The following MYLK4 variants were observed in gnomAD, a reference collection of about 807,000 sequenced individuals.
MYLK4 encodes the protein myosin light chain kinase family member 4, also known as caMLCK like.
Under a neutral mutation model 48.1 loss-of-function variants are expected in MYLK4, and 46 were observed. The observed-to-expected ratio is 0.96, with a 90% CI of 0.75 to 1.22. The LOEUF (loss-of-function observed/expected upper bound fraction) is 1.22. Among genes scored for constraint, MYLK4 ranks in the 50% most tolerant of loss-of-function variants. The probability of loss-of-function intolerance (pLI) is 0.00; values close to 1 mark genes in which losing one functional copy is unlikely to be tolerated. For missense variants in MYLK4, 451 were observed against 486.1 expected, an observed-to-expected ratio of 0.93 and a Z score of 0.68; for synonymous variants, 170 against 180.8, an observed-to-expected ratio of 0.94 and a Z score of 0.48.
chr6:2,742,456 T>C (rs1257553669), intron 2 of MYLK4, among the ~76,000 whole-genome samples: 4 of 151,550 alleles, frequency 2.6e-5, no homozygotes, highest in Non-Finnish European at 5.9e-5. Context: ...TAGCAAAGAC[T>C]TGGAACCAAC....
chr6:2,709,199 A>G (rs2113241856), intron 2 of MYLK4, among the ~76,000 whole-genome samples: 1 of 152,338 alleles, frequency 6.6e-6, no homozygotes, highest in East Asian at 1.9e-4. Flanking sequence ...CAATCATTCC[A>G]AAATTCGGTC....
intron 2 of MYLK4, among the ~76,000 whole-genome samples, chr6:2,724,028 C>T (rs2113298044): frequency 6.6e-6 from 1 of 152,220 alleles, no homozygotes; most frequent in Admixed American, 6.5e-5. Flanking sequence ...AGGTGCGTGC[C>T]ACTACCACTG....
the MYLK4 span, chr6:2,768,997 G>T: frequency 9.5e-7 from 1 of 1,048,208 alleles, no homozygotes; most frequent in Non-Finnish European, 1.3e-6. Context: ...AGAAGCGTAG[G>T]CTTGTGAACC....
chr6:2,762,391 T>C, the MYLK4 span, among the ~76,000 whole-genome samples: 7 of 152,228 alleles, frequency 4.6e-5, no homozygotes, highest in African/African-American at 1.7e-4. Flanking sequence ...ACTTGTAGAT[T>C]TTCCACAGCA....
At chr6:2,705,508 G>C (rs1392335575) in intron 2 of MYLK4, among the ~76,000 whole-genome samples, 4 of 152,204 alleles carry the variant, frequency 2.6e-5, no homozygotes, top group African/African-American at 9.6e-5. Flanking sequence ...CAATGAGCCT[G>C]TGTTCCCTGT....
At chr6:2,708,001 T>C (rs562771955) in intron 2 of MYLK4, among the ~76,000 whole-genome samples, 25 of 152,328 alleles carry the variant, frequency 1.6e-4, no homozygotes, top group African/African-American at 6.0e-4. Flanking sequence ...ACAGAGTGTA[T>C]ATAATCTTTT....
chr6:2,751,277 CCT>C (rs1764281716), upstream of MYLK4, among the ~76,000 whole-genome samples: 1 of 152,182 alleles, frequency 6.6e-6, no homozygotes, highest in South Asian at 2.1e-4. Flanking sequence ...CCCACAGCCA[CCT>C]CTGTTTGCCC....
At chr6:2,713,567 G>A (rs780548823) in intron 2 of MYLK4, among the ~76,000 whole-genome samples, 2 of 152,072 alleles carry the variant, frequency 1.3e-5, no homozygotes, top group South Asian at 2.1e-4. Context: ...AATAGGAGTC[G>A]CATCCATGCA....
intron 2 of MYLK4, among the ~76,000 whole-genome samples, chr6:2,710,563 C>A (rs572805820): frequency 6.6e-6 from 1 of 152,152 alleles, no homozygotes; most frequent in Non-Finnish European, 1.5e-5. Flanking sequence ...TGCTTCCTTA[C>A]CCCTCCCTAA....
chr6:2,769,617 C>G, the MYLK4 span, among the ~76,000 whole-genome samples: 1 of 152,220 alleles, frequency 6.6e-6, no homozygotes, highest in Non-Finnish European at 1.5e-5. Context: ...GAGGCGTTAG[C>G]ATTCTAGGTT....
At chr6:2,768,318 A>G in the MYLK4 span, among the ~76,000 whole-genome samples, 32 of 152,106 alleles carry the variant, frequency 2.1e-4, no homozygotes, top group Non-Finnish European at 7.4e-5. Context: ...TGTCTCGGCT[A>G]GAGGAGGGAG....
chr6:2,768,840 C>G, the MYLK4 span: 4 of 1,613,354 alleles, frequency 2.5e-6, no homozygotes, highest in South Asian at 3.3e-5. Flanking sequence ...GGAAAACCAT[C>G]CTTTTTATTG....
chr6:2,668,623 G>T (rs1033136267), intron 12 of MYLK4, among the ~76,000 whole-genome samples: 2 of 152,088 alleles, frequency 1.3e-5, no homozygotes, highest in African/African-American at 2.4e-5. Flanking sequence ...CTCAAATTTG[G>T]TTTCCATCAT....
At chr6:2,703,231 A>G (rs1426640260) in intron 2 of MYLK4, among the ~76,000 whole-genome samples, 1 of 152,204 alleles carries the variant, frequency 6.6e-6, no homozygotes, top group Non-Finnish European at 1.5e-5. Context: ...TAGTGTACAG[A>G]CCAGGGAAAA....
chr6:2,702,645 T>G (rs1762330257), intron 2 of MYLK4, among the ~76,000 whole-genome samples: 1 of 152,194 alleles, frequency 6.6e-6, no homozygotes. Flanking sequence ...GAATAGATTT[T>G]TAACATCCTC....
chr6:2,770,068 G>A, the MYLK4 span: 1 of 1,609,404 alleles, frequency 6.2e-7, no homozygotes, highest in Admixed American at 1.7e-5. Flanking sequence ...ATAGGATTCT[G>A]CAGGTGGCTG....
intron 2 of MYLK4, among the ~76,000 whole-genome samples, chr6:2,724,067 G>A (rs1039405275): frequency 6.6e-6 from 1 of 151,860 alleles, no homozygotes; most frequent in African/African-American, 2.4e-5. Flanking sequence ...TAGTAGAGAC[G>A]GGGTTTCACC....
Position 2,685,203 on chromosome 6 carries a change from TG to T in MYLK4, c.545+92del. Reference sequence around the variant, plus strand: ...GAGTCTGCGGGGGCGAGCTTGGTTCTGGTCCCGCTACAGCAGGACGGAGCTA... The same window carrying T: ...GAGTCTGCGGGGGCGAGCTTGGTTCTGTCCCGCTACAGCAGGACGGAGCTA... On this transcript the variant is annotated intron_variant, in intron 6 of 12. Coordinates refer to ENST00000274643, the MANE Select transcript of MYLK4 (RefSeq NM_001012418.5). The surrounding 1 kb of genome is among the most constrained non-coding windows in gnomAD (Gnocchi z 4.5). 1.1e-6 allele frequency: 1 copy of T among 890,840 alleles called. No homozygotes were observed. The highest frequency in any genetic ancestry group is 1.9e-6 in the Non-Finnish European group (1 of 535,416). The allele number at this position is 890,840 out of a possible 1,614,324, so 55.2% of individuals were successfully genotyped here. A position where few individuals can be genotyped will look rare whatever the true frequency, so the allele number is the denominator to read the frequency against.
At chr6:2,700,228 T>G (rs1285939489) in intron 2 of MYLK4, among the ~76,000 whole-genome samples, 1 of 152,178 alleles carries the variant, frequency 6.6e-6, no homozygotes, top group African/African-American at 2.4e-5. Flanking sequence ...CACCTGTTTT[T>G]GTTATCCAAA....
Sources: allele counts gnomAD v4.1 joint callset (sites outside exome capture counted in the v4.1 genomes callset), GRCh38; gene constraint gnomAD v4.1.1; non-coding constraint Gnocchi (gnomAD v3.1); transcripts MANE v1.5; gene names NCBI Gene and HGNC (gene_info 2026-07-23, HGNC 2026-07-21).